Variants in RNF144B observed in about 807,000 individuals in gnomAD.
RNF144B encodes the protein E3 ubiquitin-protein ligase RNF144B.
RNF144B carries 25 observed loss-of-function variants against 40.2 expected under a neutral mutation model. The ratio of observed to expected loss-of-function variants is 0.62; its 90% CI spans 0.45 to 0.87. The LOEUF is 0.87. Ranked by LOEUF, RNF144B falls within the 40% of genes least tolerant of loss-of-function variation. RNF144B has a pLI of 0.00. For synonymous variants in RNF144B, 145 were observed against 136.3 expected, an observed-to-expected ratio of 1.06 and a Z score of -0.44; for missense variants, 365 against 373.7, an observed-to-expected ratio of 0.98 and a Z score of 0.19.
chr6:18,439,771 G>A, intron 4 of RNF144B, 27 bp downstream of exon 4: 1 of 1,490,544 alleles, frequency 6.7e-7, no homozygotes, highest in Non-Finnish European at 9.4e-7. Flanking sequence ...TTTTCCTGAT[G>A]ATGAATGTGG....
At chr6:18,404,252 T>C (rs945850904) in intron 2 of RNF144B, among the ~76,000 whole-genome samples, 2 of 152,248 alleles carry the variant, frequency 1.3e-5, no homozygotes, top group African/African-American at 4.8e-5. Flanking sequence ...CACTTTCCTA[T>C]TTCTACCTCT....
Position 18,459,800 on chromosome 6 carries a change from C to CAGAT in RNF144B, c.681+50_681+51insGATA. The CAGAT allele has an allele frequency of 6.6e-7, 1 of 1,522,468 alleles. No homozygotes were observed. Among genetic ancestry groups the CAGAT allele is most frequent in the East Asian group, 2.3e-5 (1 of 43,450 alleles). 94.3% of individuals were successfully genotyped at this position (1,522,468 alleles called of 1,614,324 possible). A position where few individuals can be genotyped will look rare whatever the true frequency, so the allele number is the denominator to read the frequency against. On this transcript the variant is annotated intron_variant, in intron 6 of 7. Transcript: ENST00000259939. The surrounding 1 kb of genome is among the most constrained non-coding windows in gnomAD (Gnocchi z 4.2). ...TATGGTGTTTCCTATACTGTATCTG[C>CAGAT]ACCACAGCTGATATCCTACAGATTT...
chr6:18,458,391 A>T lies in RNF144B; in HGVS notation c.536+1032A>T, dbSNP rs1275602731. ...GGCTTAATCACACAGTGCACCCAGAATGTGTAGAACCAGGCTTCATGAATA... is the reference window on the plus strand; with the variant it reads ...GGCTTAATCACACAGTGCACCCAGATTGTGTAGAACCAGGCTTCATGAATA... On this transcript the variant is annotated intron_variant, in intron 5 of 7. Coordinates refer to ENST00000259939, the MANE Select transcript of RNF144B (RefSeq NM_182757.4). This position sits in a 1 kb window ranked among gnomAD's most constrained non-coding sequence, Gnocchi z 4.8. Among the ~76,000 whole-genome samples the T allele has an allele frequency of 6.6e-6, 1 of 152,186 alleles. No homozygotes were observed. Among genetic ancestry groups the T allele is most frequent in the Admixed American group, 6.5e-5 (1 of 15,276 alleles).
rs895684736 is a variant in RNF144B, at chr6:18,395,132, T to C, written c.-36-4367T>C. ...ACATCTATAATCACTGTAAAAGTAATTATAATTGTTAGCTTTTAAAATCAA... is the reference window on the plus strand; with the variant it reads ...ACATCTATAATCACTGTAAAAGTAACTATAATTGTTAGCTTTTAAAATCAA... On this transcript the variant is annotated intron_variant, in intron 1 of 7. Transcript: ENST00000259939. This position sits in a 1 kb window ranked among gnomAD's most constrained non-coding sequence, Gnocchi z 4.5. 1.3e-5 allele frequency among the ~76,000 whole-genome samples: 2 copies of C among 152,194 alleles called. No individual in the cohort carries two copies. The highest frequency in any genetic ancestry group is 1.9e-4 in the East Asian group (1 of 5,202).
At chr6:18,421,744 C>G (rs759669121) in intron 2 of RNF144B, among the ~76,000 whole-genome samples, 1 of 152,026 alleles carries the variant, frequency 6.6e-6, no homozygotes, top group Admixed American at 6.6e-5. Context: ...CACCTTTGCA[C>G]GCAGTTTGAA....
Position 18,459,888 on chromosome 6 carries a change from T to A in RNF144B, c.681+137T>A. 2 of 785,858 alleles carry A rather than the reference T, an allele frequency of 2.5e-6. No individual in the cohort carries two copies. The highest frequency in any genetic ancestry group is 4.1e-6 in the Non-Finnish European group (2 of 487,334). The allele number at this position is 785,858 out of a possible 1,614,324, so 48.7% of individuals were successfully genotyped here. A position where few individuals can be genotyped will look rare whatever the true frequency, so the allele number is the denominator to read the frequency against. ...GGAATTTATTTTTCTTAATGAGACT[T>A]ACTAAGCCTGATACTTTAGATATCT... On this transcript the variant is annotated intron_variant, in intron 6 of 7. Transcript: ENST00000259939. This position sits in a 1 kb window ranked among gnomAD's most constrained non-coding sequence, Gnocchi z 4.2.
In RNF144B at chr6:18,448,352, A is replaced by G. The variant is rs948730966; in HGVS notation, c.331+8608A>G. Among the ~76,000 whole-genome samples, 2 of 152,040 alleles carry G rather than the reference A, an allele frequency of 1.3e-5. No homozygotes were observed. Among genetic ancestry groups the G allele is most frequent in the East Asian group, 3.9e-4 (2 of 5,166 alleles). ...AGGAAAGAAGGTGGAGAGGTTACGG[A>G]CATGGATGCAGGCAGCCTAGTAGAT... On this transcript the variant is annotated intron_variant, in intron 4 of 7. Transcript: ENST00000259939. The surrounding 1 kb of genome is among the most constrained non-coding windows in gnomAD (Gnocchi z 4.0).
In RNF144B at chr6:18,458,752, G is replaced by A. The variant is rs1410007290; in HGVS notation, c.537-855G>A. Among the ~76,000 whole-genome samples the A allele has an allele frequency of 2.0e-5, 3 of 152,198 alleles. No homozygotes were observed. Among genetic ancestry groups the A allele is most frequent in the Non-Finnish European group, 4.4e-5 (3 of 68,026 alleles). On this transcript the variant is annotated intron_variant, in intron 5 of 7. Transcript: ENST00000259939. This position sits in a 1 kb window ranked among gnomAD's most constrained non-coding sequence, Gnocchi z 4.8. ...TTATCCAAAATACTTGGGATAAGAA[G>A]TGTTTCAGATCTCAGTGTTTTCAGA...
chr6:18,423,570 G>A (rs956114174), intron 2 of RNF144B, among the ~76,000 whole-genome samples: 2 of 152,078 alleles, frequency 1.3e-5, no homozygotes, highest in African/African-American at 4.8e-5. Flanking sequence ...TGTGACTTTG[G>A]TACATCGGAA....
rs1190686873 is a variant in RNF144B, at chr6:18,419,322, G to T, written c.166-8259G>T. 6.6e-6 allele frequency among the ~76,000 whole-genome samples: 1 copy of T among 152,062 alleles called. No individual in the cohort carries two copies. The highest frequency in any genetic ancestry group is 1.9e-4 in the East Asian group (1 of 5,182). On this transcript the variant is annotated intron_variant, in intron 2 of 7. Coordinates refer to ENST00000259939, the MANE Select transcript of RNF144B (RefSeq NM_182757.4). This position sits in a 1 kb window ranked among gnomAD's most constrained non-coding sequence, Gnocchi z 4.6. ...CAGGCTTAGATCATTTTCTTCGGGG[G>T]CACTGCTCTCTGCTAGGGAACCACT... is the stretch of plus-strand genomic sequence containing the variant.
Position 18,418,379 on chromosome 6 carries a change from C to A in RNF144B, c.166-9202C>A, listed in dbSNP as rs1673569137. On this transcript the variant is annotated intron_variant, in intron 2 of 7. Transcript: ENST00000259939. The surrounding 1 kb of genome is among the most constrained non-coding windows in gnomAD (Gnocchi z 5.2). ...TGTGGTATATTCACACAATGGCATA[C>A]TATTCAGCAATAAAATAAATGAAGT... Among the ~76,000 whole-genome samples the A allele has an allele frequency of 6.6e-6, 1 of 152,156 alleles. No individual in the cohort carries two copies. Among genetic ancestry groups the A allele is most frequent in the Admixed American group, 6.6e-5 (1 of 15,266 alleles).
In RNF144B at chr6:18,400,691, G is replaced by A. The variant is rs1794787424; in HGVS notation, c.165+992G>A. On this transcript the variant is annotated intron_variant, in intron 2 of 7. Transcript: ENST00000259939. This position sits in a 1 kb window ranked among gnomAD's most constrained non-coding sequence, Gnocchi z 5.6. ...TTGTTCATTTAATCAACAAATATCT[G>A]TTGAGCAGGAACTATGTCCCAGGAA... Among the ~76,000 whole-genome samples the A allele has an allele frequency of 6.6e-6, 1 of 152,172 alleles. No individual in the cohort carries two copies. Among genetic ancestry groups the A allele is most frequent in the African/African-American group, 2.4e-5 (1 of 41,442 alleles).
chr6:18,406,172 CTAACAAGTAAATACAGAAGTCAGG>C lies in RNF144B; in HGVS notation c.165+6475_165+6498del, dbSNP rs1794899869. The C allele has an allele frequency of 2.7e-5, 14 of 518,674 alleles. No homozygotes were observed. In the Admixed American group the frequency reaches 2.7e-4, roughly 10 times the overall value. The allele number at this position is 518,674 out of a possible 1,614,324, so 32.1% of individuals were successfully genotyped here. A position where few individuals can be genotyped will look rare whatever the true frequency, so the allele number is the denominator to read the frequency against. On this transcript the variant is annotated intron_variant, in intron 2 of 7. Transcript: ENST00000259939. This position sits in a 1 kb window ranked among gnomAD's most constrained non-coding sequence, Gnocchi z 4.2. Reference sequence around the variant, plus strand: ...CAACTTTTCGTATGAGACATAGATGCTAACAAGTAAATACAGAAGTCAGGTGATGGTTTGTGCTATGGAAAAATA... The same window carrying C: ...CAACTTTTCGTATGAGACATAGATGCTGATGGTTTGTGCTATGGAAAAATA...
rs930707991 is a variant in RNF144B, at chr6:18,425,977, A to G, written c.166-1604A>G. On this transcript the variant is annotated intron_variant, in intron 2 of 7. Transcript: ENST00000259939. The surrounding 1 kb of genome is among the most constrained non-coding windows in gnomAD (Gnocchi z 4.2). ...TTGCCCTAGTCATTGATTCATCAGT[A>G]CATTGTAAGTTATTTATAACCAGAT... is the stretch of plus-strand genomic sequence containing the variant. Among the ~76,000 whole-genome samples, 1 of 152,220 alleles carries G rather than the reference A, an allele frequency of 6.6e-6. No homozygotes were observed. The highest frequency in any genetic ancestry group is 2.4e-5 in the African/African-American group (1 of 41,466).
rs976775457 is a variant in RNF144B at position 18,389,538 on chromosome 6, C to A, written c.-37+1908C>A. Among the ~76,000 whole-genome samples the A allele has an allele frequency of 1.3e-5, 2 of 152,138 alleles. 1 individual carries two copies. Among genetic ancestry groups the A allele is most frequent in the South Asian group, 4.1e-4 (2 of 4,824 alleles). The stretch of plus-strand genomic sequence containing the variant: ...TATATGTATGTCAGAATCCTTTCTC[C>A]GAAGTGTTTCTGCTAATCCTGGCTT... On this transcript the variant is annotated intron_variant, in intron 1 of 7. Transcript: ENST00000259939.
intron 2 of RNF144B, 105 bp from the exon 3 acceptor site, chr6:18,427,476 C>T (rs34338681): frequency 1.8e-5 from 12 of 678,586 alleles, no homozygotes; most frequent in East Asian, 1.4e-4. Context: ...GTACAAGAGC[C>T]TCAGGACAGC....
In RNF144B at chr6:18,448,716, A is replaced by ACACC. The variant is rs765398332; in HGVS notation, c.332-8438_332-8437insACCC. Among the ~76,000 whole-genome samples, 20 of 147,758 alleles carry ACACC rather than the reference A, an allele frequency of 1.4e-4. No homozygotes were observed. The highest frequency in any genetic ancestry group is 4.8e-4 in the Admixed American group (7 of 14,600). ...CACACACACACACACACACACACAC[A>ACACC]CCCCACCCCCAAGATAGAACCAGCA... On this transcript the variant is annotated intron_variant, in intron 4 of 7. Transcript: ENST00000259939. This position sits in a 1 kb window ranked among gnomAD's most constrained non-coding sequence, Gnocchi z 4.0.
chr6:18,433,710 C>T (rs1758748182), intron 3 of RNF144B, among the ~76,000 whole-genome samples: 1 of 152,158 alleles, frequency 6.6e-6, no homozygotes, highest in Non-Finnish European at 1.5e-5. Flanking sequence ...CATTTCTTGC[C>T]TTCTGCCTCT....
At chr6:18,408,665 G>A (rs948922112) in intron 2 of RNF144B, among the ~76,000 whole-genome samples, 1 of 152,046 alleles carries the variant, frequency 6.6e-6, no homozygotes, top group East Asian at 1.9e-4. Flanking sequence ...GTGCCGCTGC[G>A]AAGGGCCCTT....
Sources: allele counts gnomAD v4.1 joint callset (sites outside exome capture counted in the v4.1 genomes callset), GRCh38; gene constraint gnomAD v4.1.1; non-coding constraint Gnocchi (gnomAD v3.1); transcripts MANE v1.5; gene names NCBI Gene and HGNC (gene_info 2026-07-23, HGNC 2026-07-21).